STYXL1: variants seen among roughly 807,000 people sequenced by gnomAD.
STYXL1 encodes serine/threonine/tyrosine interacting like 1.
STYXL1 carries 32 observed loss-of-function variants against 36.4 expected under a neutral mutation model. The ratio of observed to expected loss-of-function variants is 0.88; its 90% confidence interval spans 0.66 to 1.18. STYXL1 has a LOEUF of 1.18. Ranked by LOEUF, STYXL1 falls within the 50% of genes most tolerant of loss-of-function variation. STYXL1 has a pLI of 0.00. For synonymous variants in STYXL1, 133 were observed against 144.1 expected (o/e 0.92, Z 0.55); for missense variants, 354 against 394.1 (o/e 0.90, Z 0.86).
intron 1 of STYXL1, among the ~76,000 whole-genome samples, chr7:76,041,803 T>G (rs1480946374): frequency 6.6e-6 from 1 of 152,264 alleles, no homozygotes; most frequent in Admixed American, 6.5e-5. Context: ...CGATGACAAA[T>G]AGGCAAAGCA....
At position 75,996,556 on chromosome 7, in the gene STYXL1, G is replaced by T. The variant is rs1790150325; in HGVS notation, c.854C>A (p.Pro285Gln). 2.5e-6 allele frequency: 4 copies of T among 1,614,192 alleles called. No homozygotes were observed. The East Asian group carries it at 8.9e-5, about 36-fold the overall frequency. Residue 285 changes from proline (P) to glutamine (Q), a missense_variant, in exon 9 of 9, where the codon CCA becomes CAA. Transcript: ENST00000359697. ...YVKKCKNNMC[P>Q]NRGLVSQLLE... ...CAGCTGGCTCACCAATCCCCGATTT[G>T]GACACATGTTGTTTTTGCACTTCTT...
At chr7:76,021,727 A>G in intron 4 of STYXL1, 124 bp downstream of exon 4, 2 of 736,690 alleles carry the variant, frequency 2.7e-6, no homozygotes, top group Middle Eastern at 2.9e-4. Context: ...TTCTGACGCA[A>G]ACCCTGCTGT....
At position 76,017,751 on chromosome 7, in the gene STYXL1, G is replaced by C. The variant is rs555255628; in HGVS notation, c.308-3864C>G. Among the ~76,000 whole-genome samples, 13 of 150,548 alleles carry C rather than the reference G, an allele frequency of 8.6e-5. No individual in the cohort carries two copies. The East Asian group carries it at 2.4e-3, about 28-fold the overall frequency. On this transcript the variant is annotated intron_variant, in intron 4 of 8. Coordinates refer to ENST00000359697, the MANE Select transcript of STYXL1 (RefSeq NM_001317785.2). ...AAATACAAAAAAATAGCCGGGTGGG[G>C]TGGTGCGCACCTGTATTCCCAGCTA... is the stretch of plus-strand genomic sequence containing the variant.
chr7:76,010,621 C>A (rs1554571946), intron 5 of STYXL1, among the ~76,000 whole-genome samples: 5 of 152,154 alleles, frequency 3.3e-5, no homozygotes, highest in Admixed American at 2.0e-4. Context: ...GCAGCTCACA[C>A]AGCCAGACGG....
chr7:76,000,583 CAA>C, intron 8 of STYXL1: 1 of 506,482 alleles, frequency 2.0e-6, no homozygotes, highest in South Asian at 1.5e-5. Context: ...TCTGGGACTC[CAA>C]GCAGTTCTCC....
chr7:76,037,947 C>G (rs548990966), intron 1 of STYXL1, among the ~76,000 whole-genome samples: 1 of 150,358 alleles, frequency 6.7e-6, no homozygotes, highest in East Asian at 1.9e-4. Context: ...ATGCCCTCAC[C>G]TGTAAGCTGA....
chr7:76,021,373 G>A (rs963123388), intron 4 of STYXL1, among the ~76,000 whole-genome samples: 8 of 152,208 alleles, frequency 5.3e-5, no homozygotes, highest in East Asian at 3.9e-4. Context: ...GAGCCACCGC[G>A]CCCGGCCAAG....
chr7:76,017,358 C>T (rs1308414313), intron 4 of STYXL1, among the ~76,000 whole-genome samples: 1 of 151,930 alleles, frequency 6.6e-6, no homozygotes. Flanking sequence ...TAACATATAC[C>T]ACAGAATACT....
chr7:76,031,975 A>G (rs980067366), intron 1 of STYXL1, among the ~76,000 whole-genome samples: 8 of 152,294 alleles, frequency 5.3e-5, no homozygotes, highest in South Asian at 2.1e-4. Flanking sequence ...AGAGCACTAT[A>G]AAAGATCTCA....
At position 76,030,447 on chromosome 7, in the gene STYXL1, G is replaced by A. The variant is rs1554578908; in HGVS notation, c.77C>T (p.Thr26Ile). 1.2e-6 allele frequency: 2 copies of A among 1,613,806 alleles called. No individual in the cohort carries two copies. Among genetic ancestry groups the A allele is most frequent in the Admixed American group, 1.7e-5 (1 of 60,004 alleles). Residue 26 changes from threonine to isoleucine, a missense_variant, in exon 2 of 9, where the codon ACA becomes ATA. Physicochemically the swap from Thr to Ile is moderately conservative, Grantham distance 89. Coordinates refer to ENST00000359697, the MANE Select transcript of STYXL1 (RefSeq NM_001317785.2). ...CAATAAACAGAGATAGTTGGGGTCT[G>A]TTAATCTGGAGAGTTTTGTGGCCTG... ...LNQATKLSRL[T>I]DPNYLCLLDV...
At chr7:76,029,474 C>T (rs907713715) in intron 2 of STYXL1, among the ~76,000 whole-genome samples, 9 of 152,014 alleles carry the variant, frequency 5.9e-5, no homozygotes, top group African/African-American at 9.7e-5. Context: ...AGCAGCGATC[C>T]CCAATCTTTT....
At chr7:76,025,996 T>A (rs1794660239) in intron 3 of STYXL1, among the ~76,000 whole-genome samples, 2 of 149,960 alleles carry the variant, frequency 1.3e-5, no homozygotes, top group Non-Finnish European at 1.5e-5. Flanking sequence ...ATCGAGAGCA[T>A]CCTGGCTAAC....
intron 5 of STYXL1, among the ~76,000 whole-genome samples, chr7:76,011,169 G>A (rs1328508228): frequency 6.6e-6 from 1 of 152,152 alleles, no homozygotes; most frequent in Non-Finnish European, 1.5e-5. Flanking sequence ...AGCTATGATT[G>A]CACCACTGCA....
At chr7:76,012,345 G>A (rs184210522) in intron 5 of STYXL1, among the ~76,000 whole-genome samples, 1 of 152,110 alleles carries the variant, frequency 6.6e-6, no homozygotes, top group Admixed American at 6.6e-5. Context: ...GCATGGCAAC[G>A]GCTCACTGCA....
intron 2 of STYXL1, 145 bp from the exon 3 acceptor site, chr7:76,028,848 G>A: frequency 1.3e-6 from 1 of 742,100 alleles, no homozygotes; most frequent in Non-Finnish European, 2.3e-6. Flanking sequence ...TGTGGGGCTG[G>A]GCGCGGTGGC....
At chr7:76,001,603 C>T (rs1242527496) in intron 7 of STYXL1, among the ~76,000 whole-genome samples, 2 of 152,082 alleles carry the variant, frequency 1.3e-5, no homozygotes, top group African/African-American at 4.8e-5. Flanking sequence ...AAGTGATTCT[C>T]CTGGCTTAAC....
intron 4 of STYXL1, among the ~76,000 whole-genome samples, chr7:76,020,254 G>C (rs372110708): frequency 6.6e-6 from 1 of 152,194 alleles, no homozygotes; most frequent in African/African-American, 2.4e-5. Flanking sequence ...AGGACCTCCT[G>C]GGACAAAAGT....
At chr7:76,028,612 C>G in intron 3 of STYXL1, 30 bp downstream of exon 3, 4 of 1,611,250 alleles carry the variant, frequency 2.5e-6, no homozygotes, top group Non-Finnish European at 2.5e-6. Flanking sequence ...GGTAGCCAGC[C>G]TGCCCCAGAT....
rs374215754 is a variant in STYXL1 at position 76,001,086 on chromosome 7, G to A, written c.698-84C>T. ...TGCTGTCAGACACTGGCCTCCATGG[G>A]CCCGTGGTCCAAGCATGAGTTCAAA... On this transcript the variant is annotated intron_variant, in intron 7 of 8. Coordinates refer to ENST00000359697, the MANE Select transcript of STYXL1 (RefSeq NM_001317785.2). 250 of 1,042,740 alleles carry A rather than the reference G, an allele frequency of 2.4e-4. No individual in the cohort carries two copies. The African/African-American group carries it at 3.2e-3, about 13-fold the overall frequency. 64.6% of individuals were successfully genotyped at this position (1,042,740 alleles called of 1,614,324 possible).
Sources: allele counts gnomAD v4.1 joint callset (sites outside exome capture counted in the v4.1 genomes callset), GRCh38; gene constraint gnomAD v4.1.1; transcripts MANE v1.5; gene names NCBI Gene and HGNC (gene_info 2026-07-23, HGNC 2026-07-21).